Variants in CRYL1 observed in about 807,000 individuals in gnomAD.
CRYL1 encodes the protein lambda-crystallin homolog.
Under a neutral mutation model 36.6 loss-of-function variants are expected in CRYL1, and 29 were observed. The ratio of observed to expected loss-of-function variants is 0.79; its 90% confidence interval spans 0.59 to 1.08. The LOEUF (loss-of-function observed/expected upper bound fraction) is 1.08. CRYL1 is among the 50% of genes least tolerant of loss of function. CRYL1 has a pLI of 0.00. For synonymous variants in CRYL1, 152 were observed against 151.5 expected, an observed-to-expected ratio of 1.00 and a Z score of -0.02; for missense variants, 411 against 407.9, an observed-to-expected ratio of 1.01 and a Z score of -0.06.
At chr13:20,458,010 T>G (rs1055079882) in intron 3 of CRYL1, among the ~76,000 whole-genome samples, 2 of 152,170 alleles carry the variant, frequency 1.3e-5, no homozygotes, top group Non-Finnish European at 2.9e-5. Flanking sequence ...TAAAGGTCTT[T>G]GCACAGAGTT....
At position 20,415,682 on chromosome 13, in the gene CRYL1, T is replaced by C. The variant is rs1375538590; in HGVS notation, c.634-2295A>G. The stretch of plus-strand genomic sequence containing the variant: ...TCCAGGAGAATTACAAAGCAAACGC[T>C]TGGCCTCGCCTGCCGCAGACTCCGC... On this transcript the variant is annotated intron_variant, in intron 5 of 7. Coordinates refer to ENST00000298248, the MANE Select transcript of CRYL1 (RefSeq NM_015974.3). The surrounding 1 kb of genome is among the most constrained non-coding windows in gnomAD (Gnocchi z 4.1). Among the ~76,000 whole-genome samples the C allele has an allele frequency of 6.6e-6, 1 of 152,188 alleles. No individual in the cohort carries two copies. The highest frequency in any genetic ancestry group is 1.5e-5 in the Non-Finnish European group (1 of 68,026).
chr13:20,525,634 A>C lies in CRYL1; in HGVS notation c.41+120T>G, dbSNP rs2034177367. 1 of 816,834 alleles carries C rather than the reference A, an allele frequency of 1.2e-6. No homozygotes were observed. The highest frequency in any genetic ancestry group is 1.6e-6 in the Non-Finnish European group (1 of 607,572). 50.6% of individuals were successfully genotyped at this position (816,834 alleles called of 1,614,324 possible). On this transcript the variant is annotated intron_variant, in intron 1 of 7. Transcript: ENST00000298248. This position sits in a 1 kb window ranked among gnomAD's most constrained non-coding sequence, Gnocchi z 4.3. The stretch of plus-strand genomic sequence containing the variant: ...GCCGCAGGGCGCAGGGCTTCGGAGG[A>C]CCGGAGGCCGGGGCGGGGACAGCGA...
At chr13:20,448,181 C>T (rs1233866707) in intron 3 of CRYL1, among the ~76,000 whole-genome samples, 1 of 152,182 alleles carries the variant, frequency 6.6e-6, no homozygotes, top group Admixed American at 6.5e-5. Context: ...CATCAGTAGA[C>T]TCAACACAGC....
chr13:20,465,937 G>C (rs940013132), intron 3 of CRYL1, among the ~76,000 whole-genome samples: 3 of 135,446 alleles, frequency 2.2e-5, no homozygotes, highest in Non-Finnish European at 3.1e-5. Context: ...GTTTCCATGA[G>C]AGCTGGTTGA....
chr13:20,403,969 C>T lies in CRYL1; in HGVS notation c.*160G>A. The stretch of plus-strand genomic sequence containing the variant: ...CAGGGCTATGATCCAAAGTGACGGG[C>T]AGACTACCGGCCTGCACCACCCCAC... On this transcript the variant is annotated 3_prime_UTR_variant, in exon 8 of 8. Coordinates refer to ENST00000298248, the MANE Select transcript of CRYL1 (RefSeq NM_015974.3). 7.4e-6 allele frequency: 4 copies of T among 537,292 alleles called. No individual in the cohort carries two copies. Among genetic ancestry groups the T allele is most frequent in the Non-Finnish European group, 9.9e-6 (3 of 303,366 alleles). The allele number at this position is 537,292 out of a possible 1,614,324, so 33.3% of individuals were successfully genotyped here.
chr13:20,426,598 A>G (rs1455607960), intron 5 of CRYL1: 1 of 672,840 alleles, frequency 1.5e-6, no homozygotes, highest in African/African-American at 2.0e-5. Context: ...AGAGACACAC[A>G]TAGAGACACA....
chr13:20,523,613 G>A (rs2034134785), intron 1 of CRYL1, among the ~76,000 whole-genome samples: 1 of 152,022 alleles, frequency 6.6e-6, no homozygotes, highest in African/African-American at 2.4e-5. Flanking sequence ...TGTGGGGCCA[G>A]GAAAGAAATA....
intron 3 of CRYL1, among the ~76,000 whole-genome samples, chr13:20,470,910 C>CAAAAAAAAAA (rs11353451): frequency 3.4e-4 from 14 of 40,888 alleles, no homozygotes; most frequent in African/African-American, 1.1e-3. Context: ...AACTCCATCT[C>CAAAAAAAAAA]AAAAAAAAAA....
chr13:20,523,091 A>G (rs1246338738), intron 1 of CRYL1, among the ~76,000 whole-genome samples: 2 of 151,464 alleles, frequency 1.3e-5, no homozygotes, highest in African/African-American at 4.9e-5. Flanking sequence ...TAATTTTTGT[A>G]TTTTTAGTAG....
chr13:20,431,625 A>C, intron 5 of CRYL1: 1 of 1,049,178 alleles, frequency 9.5e-7, no homozygotes, highest in Admixed American at 5.0e-5. Flanking sequence ...TTTCCTCTTT[A>C]TAGGTAAGAC....
intron 3 of CRYL1, among the ~76,000 whole-genome samples, chr13:20,479,413 A>G (rs915022175): frequency 7.2e-5 from 11 of 152,218 alleles, no homozygotes; most frequent in Non-Finnish European, 1.2e-4. Context: ...CTTGCCCTGA[A>G]GAAAGTCACA....
chr13:20,465,822 G>A (rs1409985626), intron 3 of CRYL1, among the ~76,000 whole-genome samples: 1 of 151,968 alleles, frequency 6.6e-6, no homozygotes, highest in East Asian at 1.9e-4. Context: ...CCCCAATGTT[G>A]GATGTGGGGC....
rs1469966640 is a variant in CRYL1, at chr13:20,512,570, A to G, written c.42-20T>C. The G allele has an allele frequency of 6.4e-7, 1 of 1,574,500 alleles. No homozygotes were observed. The highest frequency in any genetic ancestry group is 8.7e-7 in the Non-Finnish European group (1 of 1,148,790). The stretch of plus-strand genomic sequence containing the variant: ...ACTCCACTGAAGGGAGATAAAAGAA[A>G]GGATTCGAGTTAATTTAATAATCGA... On this transcript the variant is annotated intron_variant, in intron 1 of 7. Transcript: ENST00000298248.
At chr13:20,417,445 C>T (rs896237181) in intron 5 of CRYL1, among the ~76,000 whole-genome samples, 4 of 152,190 alleles carry the variant, frequency 2.6e-5, no homozygotes, top group African/African-American at 9.7e-5. Flanking sequence ...GAGTCCAGCC[C>T]TTCTGTGGTT....
At chr13:20,446,109 T>A (rs1158543965) in intron 3 of CRYL1, among the ~76,000 whole-genome samples, 1 of 152,106 alleles carries the variant, frequency 6.6e-6, no homozygotes, top group Non-Finnish European at 1.5e-5. Flanking sequence ...TTTAATTATT[T>A]ATTTTTTATT....
chr13:20,471,477 C>A (rs1007847340), intron 3 of CRYL1, among the ~76,000 whole-genome samples: 5 of 151,876 alleles, frequency 3.3e-5, no homozygotes, highest in Non-Finnish European at 5.9e-5. Context: ...TGGTGGCGGT[C>A]GCCTGTAGTC....
chr13:20,407,350 C>T (rs1298051147), intron 6 of CRYL1, among the ~76,000 whole-genome samples: 2 of 151,960 alleles, frequency 1.3e-5, no homozygotes, highest in Admixed American at 6.5e-5. Context: ...AGACTCACGA[C>T]CTGCATCTGC....
rs181759417 is a variant in CRYL1, at chr13:20,454,155, C to T, written c.277-14401G>A. ...ACTCATTCTATGAAGGCAGAATCAC[C>T]GTAATATCAAAATATTAGACAAAGA... On this transcript the variant is annotated intron_variant, in intron 3 of 7. Transcript: ENST00000298248. Among the ~76,000 whole-genome samples, 346 of 151,984 alleles carry T rather than the reference C, an allele frequency of 2.3e-3. 2 individuals are homozygous for T. Among genetic ancestry groups the T allele is most frequent in the African/African-American group, 7.8e-3 (325 of 41,456 alleles).
intron 6 of CRYL1, among the ~76,000 whole-genome samples, chr13:20,409,647 A>G (rs1250043922): frequency 1.3e-5 from 2 of 152,096 alleles, no homozygotes; most frequent in African/African-American, 4.8e-5. Flanking sequence ...ACAAAGGGCT[A>G]ATATCCAGAA....
Sources: allele counts gnomAD v4.1 joint callset (sites outside exome capture counted in the v4.1 genomes callset), GRCh38; gene constraint gnomAD v4.1.1; non-coding constraint Gnocchi (gnomAD v3.1); transcripts MANE v1.5; gene names NCBI Gene and HGNC (gene_info 2026-07-23, HGNC 2026-07-21).